DEGS2: variants seen among roughly 807,000 people sequenced by gnomAD.
The protein encoded by DEGS2 is sphingolipid delta(4)-desaturase/C4-monooxygenase DES2.
DEGS2 carries 19 observed loss-of-function variants against 23.8 expected under a neutral mutation model. The observed-to-expected ratio is 0.80, with a 90% CI of 0.56 to 1.17. DEGS2 has a LOEUF of 1.17. DEGS2 is among the 50% of genes most tolerant of loss of function. The pLI, the probability that DEGS2 is intolerant of heterozygous loss-of-function variation, is 0.00. For synonymous variants in DEGS2, 218 were observed against 213.7 expected, an observed-to-expected ratio of 1.02 and a Z score of -0.18; for missense variants, 390 against 459.5, an observed-to-expected ratio of 0.85 and a Z score of 1.38.
intron 1 of DEGS2, among the ~76,000 whole-genome samples, chr14:100,151,011 G>A (rs989971043): frequency 7.2e-5 from 11 of 152,084 alleles, no homozygotes; most frequent in African/African-American, 1.5e-4. Context: ...CCCTCTGAGT[G>A]GACTCTGGGC....
At chr14:100,151,591 C>T (rs1005500744) in intron 1 of DEGS2, among the ~76,000 whole-genome samples, 2 of 152,194 alleles carry the variant, frequency 1.3e-5, no homozygotes, top group African/African-American at 4.8e-5. Context: ...ACAGGGGGCT[C>T]CTGCCAAAGG....
intron 1 of DEGS2, among the ~76,000 whole-genome samples, chr14:100,158,983 C>T (rs941291361): frequency 1.3e-5 from 2 of 152,262 alleles, no homozygotes; most frequent in African/African-American, 4.8e-5. Context: ...AAAGAAAACA[C>T]GCGCGCCTCT....
At position 100,144,127 on chromosome 14, in the gene DEGS2, CG is replaced by C. The variant is rs1889379902; in HGVS notation, c.*2633del. On this transcript the variant is annotated 3_prime_UTR_variant, in exon 3 of 3. Coordinates refer to ENST00000305631, the MANE Select transcript of DEGS2 (RefSeq NM_206918.3). Reference sequence around the variant, plus strand: ...GGCCCAGCGTGGCGCCACCACACACCGCAGAGCTGTCCAGGCACAGCTCCGT... The same window carrying C: ...GGCCCAGCGTGGCGCCACCACACACCCAGAGCTGTCCAGGCACAGCTCCGT... 1 of 292,746 alleles carries C rather than the reference CG, an allele frequency of 3.4e-6. No homozygotes were observed. The highest frequency in any genetic ancestry group is 4.8e-5 in the Admixed American group (1 of 20,764). The allele number at this position is 292,746 out of a possible 1,614,324, so 18.1% of individuals were successfully genotyped here.
intron 1 of DEGS2, among the ~76,000 whole-genome samples, chr14:100,158,086 CAAAAA>C (rs55666851): frequency 3.3e-3 from 324 of 97,984 alleles, no homozygotes; most frequent in African/African-American, 7.6e-3. Context: ...GACTTCCTCT[CAAAAA>C]AAAAAAAAAA....
At chr14:100,163,190 C>G (rs1176717439), upstream of DEGS2, among the ~76,000 whole-genome samples, 2 of 151,946 alleles carry the variant, frequency 1.3e-5, no homozygotes, top group Non-Finnish European at 2.9e-5. Context: ...GCCTGTAATC[C>G]CAGCACTTTG....
Position 100,149,480 on chromosome 14 carries a change from T to TG in DEGS2, c.312dup (p.Asn105GlnfsTer199), listed in dbSNP as rs1400612151. 6.3e-7 allele frequency: 1 copy of TG among 1,597,046 alleles called. No homozygotes were observed. Among genetic ancestry groups the TG allele is most frequent in the African/African-American group, 1.3e-5 (1 of 74,714 alleles). On this transcript the variant is annotated frameshift_variant, in exon 2 of 3. Coordinates refer to ENST00000305631, the MANE Select transcript of DEGS2 (RefSeq NM_206918.3). LOFTEE classifies it high-confidence loss of function. ...TTGGCGAACACGGCCAGCCAGCGGT[T>TG]GCGTGCCGCACGGCCCGTGCCGAAG...
chr14:100,150,704 T>C (rs1388344877), intron 1 of DEGS2, among the ~76,000 whole-genome samples: 1 of 152,138 alleles, frequency 6.6e-6, no homozygotes, highest in Non-Finnish European at 1.5e-5. Flanking sequence ...GGTCCCTCCC[T>C]GTGCCCTGTG....
chr14:100,146,782 C>G lies in DEGS2; in HGVS notation c.951G>C (p.Arg317Ser), dbSNP rs1253304508. The change falls in exon 3 of 3, where the codon AGG (arginine) becomes AGC (serine). Residue 317 changes from arginine (R) to serine (S), a missense_variant. Coordinates refer to ENST00000305631, the MANE Select transcript of DEGS2 (RefSeq NM_206918.3). ...GPYARVKRVY[R>S]LAKDGL ...GGGCTCACAGACCATCTTTTGCCAG[C>G]CTGTACACCCGCTTCACCCTGGCAT... 6 of 1,613,646 alleles carry G rather than the reference C, an allele frequency of 3.7e-6. No homozygotes were observed. Among genetic ancestry groups the G allele is most frequent in the Non-Finnish European group, 4.2e-6 (5 of 1,179,820 alleles).
intron 1 of DEGS2, among the ~76,000 whole-genome samples, chr14:100,149,937 A>G (rs980462962): frequency 2.0e-5 from 3 of 152,200 alleles, no homozygotes; most frequent in African/African-American, 7.2e-5. Context: ...GCAGGGGCAC[A>G]TGTGGCCCAC....
At chr14:100,157,721 T>G (rs1889680165) in intron 1 of DEGS2, among the ~76,000 whole-genome samples, 1 of 152,100 alleles carries the variant, frequency 6.6e-6, no homozygotes, top group Admixed American at 6.6e-5. Context: ...AGCCACCCAA[T>G]GTATCTTGGG....
intron 1 of DEGS2, among the ~76,000 whole-genome samples, chr14:100,149,915 G>T (rs1196140197): frequency 6.6e-6 from 1 of 152,234 alleles, no homozygotes; most frequent in Non-Finnish European, 1.5e-5. Context: ...AGACTCAGAG[G>T]GCAGGACTCC....
chr14:100,155,379 C>T lies in DEGS2; in HGVS notation c.82+4127G>A, dbSNP rs1302579810. 4.6e-5 allele frequency among the ~76,000 whole-genome samples: 7 copies of T among 152,132 alleles called. No individual in the cohort carries two copies. The East Asian group carries it at 1.3e-3, about 29-fold the overall frequency. ...CTGGCCTAATGCTCTGGGAAGCCAC[C>T]TACCCACAGCTTCCATCCCTGCCAC... On this transcript the variant is annotated intron_variant, in intron 1 of 2. Transcript: ENST00000305631.
Position 100,145,196 on chromosome 14 carries a change from G to T in DEGS2, c.*1565C>A, listed in dbSNP as rs1466159534. 6.6e-6 allele frequency: 1 copy of T among 152,408 alleles called. No individual in the cohort carries two copies. The highest frequency in any genetic ancestry group is 1.5e-5 in the Non-Finnish European group (1 of 68,194). The allele number at this position is 152,408 out of a possible 1,614,324, so 9.4% of individuals were successfully genotyped here. ...CCCTGGGCCTGGCCTTCAGTTTGTGGGTGAGGCCTGGACATGCCCCTTTGC... is the reference window on the plus strand; with the variant it reads ...CCCTGGGCCTGGCCTTCAGTTTGTGTGTGAGGCCTGGACATGCCCCTTTGC... On this transcript the variant is annotated 3_prime_UTR_variant, in exon 3 of 3. Coordinates refer to ENST00000305631, the MANE Select transcript of DEGS2 (RefSeq NM_206918.3).
Position 100,144,094 on chromosome 14 carries a change from T to C in DEGS2, c.*2667A>G, listed in dbSNP as rs971824953. The C allele has an allele frequency of 1.2e-5, 4 of 341,582 alleles. No individual in the cohort carries two copies. The highest frequency in any genetic ancestry group is 4.3e-5 in the African/African-American group (2 of 46,798). The allele number at this position is 341,582 out of a possible 1,614,324, so 21.2% of individuals were successfully genotyped here. A position where few individuals can be genotyped will look rare whatever the true frequency, so the allele number is the denominator to read the frequency against. On this transcript the variant is annotated 3_prime_UTR_variant, in exon 3 of 3. Coordinates refer to ENST00000305631, the MANE Select transcript of DEGS2 (RefSeq NM_206918.3). ...ACGCTGTTAGCGCCTCAGCTGGCGG[T>C]GACAGCCGGCCCAGCGTGGCGCCAC...
At chr14:100,157,900 C>G (rs1889683110) in intron 1 of DEGS2, among the ~76,000 whole-genome samples, 1 of 152,074 alleles carries the variant, frequency 6.6e-6, no homozygotes, top group South Asian at 2.1e-4. Context: ...CCAGCCTAGC[C>G]AACATGGTGA....
In DEGS2 at chr14:100,159,606, G is replaced by T; in HGVS notation, c.-19C>A. On this transcript the variant is annotated 5_prime_UTR_variant, in exon 1 of 3. Transcript: ENST00000305631. ...TGCCCATGGTGGGGCGGGAGGCGCC[G>T]TTCGGAGCGCGGCCGGCTCGGCTCT... is the stretch of plus-strand genomic sequence containing the variant. 1 of 1,477,318 alleles carries T rather than the reference G, an allele frequency of 6.8e-7. No homozygotes were observed. 91.5% of individuals were successfully genotyped at this position (1,477,318 alleles called of 1,614,324 possible).
chr14:100,162,828 G>A (rs1889765037), upstream of DEGS2, among the ~76,000 whole-genome samples: 1 of 152,206 alleles, frequency 6.6e-6, no homozygotes, highest in African/African-American at 2.4e-5. Context: ...GGAGCAGGAT[G>A]GGCCTCCACC....
upstream of DEGS2, chr14:100,160,023 GGC>G (rs1889726938): frequency 6.5e-6 from 1 of 153,450 alleles, no homozygotes; most frequent in African/African-American, 2.4e-5. Flanking sequence ...ACGCCCCTGT[GGC>G]TCGCGCCGCC....
At chr14:100,158,654 A>G (rs1889698521) in intron 1 of DEGS2, among the ~76,000 whole-genome samples, 2 of 152,196 alleles carry the variant, frequency 1.3e-5, no homozygotes, top group Non-Finnish European at 1.5e-5. Flanking sequence ...TGAAGATTAC[A>G]AAGTGTGGCA....
Sources: allele counts gnomAD v4.1 joint callset (sites outside exome capture counted in the v4.1 genomes callset), GRCh38; gene constraint gnomAD v4.1.1; transcripts MANE v1.5; gene names NCBI Gene and HGNC (gene_info 2026-07-23, HGNC 2026-07-21).